The following KCNMB2 variants were observed in gnomAD, a reference collection of about 807,000 sequenced individuals.
KCNMB2 encodes the protein calcium-activated potassium channel subunit beta-2.
KCNMB2 carries 9 observed loss-of-function variants against 24.5 expected under a neutral mutation model. That is an observed-to-expected ratio of 0.37 (90% CI 0.22 to 0.64). The LOEUF (loss-of-function observed/expected upper bound fraction) is 0.64. Ranked by LOEUF, KCNMB2 falls within the 30% of genes least tolerant of loss-of-function variation. KCNMB2 has a pLI of 0.63. For synonymous variants in KCNMB2, 109 were observed against 104.4 expected, an observed-to-expected ratio of 1.04 and a Z score of -0.27; for missense variants, 226 against 284.3, an observed-to-expected ratio of 0.79 and a Z score of 1.47.
At chr3:178,716,538 G>A (rs924249059) in intron 1 of KCNMB2, among the ~76,000 whole-genome samples, 1 of 151,368 alleles carries the variant, frequency 6.6e-6, no homozygotes. Context: ...CCACCTCCGA[G>A]GTTCAAGCGA....
At chr3:178,698,095 A>G (rs1721947542) in intron 1 of KCNMB2, among the ~76,000 whole-genome samples, 1 of 152,044 alleles carries the variant, frequency 6.6e-6, no homozygotes, top group South Asian at 2.1e-4. Context: ...GATCTTGTGA[A>G]GTAGCTTACT....
intron 1 of KCNMB2, among the ~76,000 whole-genome samples, chr3:178,574,356 C>T (rs1716914321): frequency 6.6e-6 from 1 of 152,210 alleles, no homozygotes; most frequent in Admixed American, 6.5e-5. Context: ...GGCTTCAGAA[C>T]TAAGTGAGCC....
chr3:178,778,632 C>T (rs571093334), intron 1 of KCNMB2, among the ~76,000 whole-genome samples: 2 of 152,254 alleles, frequency 1.3e-5, no homozygotes, highest in Non-Finnish European at 2.9e-5. Flanking sequence ...CAAGGCCAGT[C>T]TTTGAATTTG....
chr3:178,800,500 T>C (rs1445618982), intron 1 of KCNMB2, among the ~76,000 whole-genome samples: 1 of 152,146 alleles, frequency 6.6e-6, no homozygotes, highest in Admixed American at 6.6e-5. Flanking sequence ...CAAGTTAAAA[T>C]GACTTTTATC....
intron 2 of KCNMB2, among the ~76,000 whole-genome samples, chr3:178,816,633 T>A (rs11709071): frequency 1.3e-5 from 2 of 152,082 alleles, no homozygotes; most frequent in Middle Eastern, 3.4e-3. Context: ...CTTAGAAATA[T>A]ACAGTTTTGC....
At chr3:178,559,621 T>G (rs1233284411) in intron 1 of KCNMB2, among the ~76,000 whole-genome samples, 1 of 150,472 alleles carries the variant, frequency 6.6e-6, no homozygotes, top group East Asian at 1.9e-4. Context: ...ACCTAGAAAT[T>G]GTCTTACAAA....
intron 1 of KCNMB2, among the ~76,000 whole-genome samples, chr3:178,744,451 A>G (rs954598285): frequency 6.6e-6 from 1 of 152,154 alleles, no homozygotes; most frequent in Non-Finnish European, 1.5e-5. Flanking sequence ...CATTTGTTTT[A>G]CTCCAGTTTT....
intron 1 of KCNMB2, among the ~76,000 whole-genome samples, chr3:178,568,817 A>AGATG (rs386356532): frequency 4.0e-5 from 2 of 49,822 alleles, no homozygotes; most frequent in Admixed American, 4.3e-4. Flanking sequence ...ATAGATAGAT[A>AGATG]ATAGATAGAT....
At chr3:178,726,097 T>C (rs553836792) in intron 1 of KCNMB2, among the ~76,000 whole-genome samples, 4 of 152,020 alleles carry the variant, frequency 2.6e-5, no homozygotes, top group African/African-American at 9.6e-5. Flanking sequence ...GTGAATAATA[T>C]TTTAGTGGCC....
chr3:178,763,523 C>A (rs75847861), intron 1 of KCNMB2, among the ~76,000 whole-genome samples: 21,470 of 152,058 alleles, frequency 0.14, 1,850 homozygotes, highest in Admixed American at 0.18. Flanking sequence ...ATTCAGTAAG[C>A]TCAAAAAGCT....
At position 178,843,041 on chromosome 3, in the gene KCNMB2, C is replaced by G; in HGVS notation, c.*104C>G. ...TGTAACGTGCAGTCTGTTATGAGTTCCCTAATATATTCTTATATGTAGAGC... is the reference window on the plus strand; with the variant it reads ...TGTAACGTGCAGTCTGTTATGAGTTGCCTAATATATTCTTATATGTAGAGC... On this transcript the variant is annotated 3_prime_UTR_variant, in exon 5 of 5. Transcript: ENST00000452583. 4 of 889,426 alleles carry G rather than the reference C, an allele frequency of 4.5e-6. No homozygotes were observed. The highest frequency in any genetic ancestry group is 6.9e-6 in the Non-Finnish European group (4 of 578,664). 55.1% of individuals were successfully genotyped at this position (889,426 alleles called of 1,614,324 possible).
chr3:178,795,520 T>C (rs928584359), intron 1 of KCNMB2, among the ~76,000 whole-genome samples: 5 of 152,076 alleles, frequency 3.3e-5, no homozygotes, highest in Non-Finnish European at 7.4e-5. Context: ...GCCACACAGA[T>C]ACCAAAAGAA....
chr3:178,711,615 T>C (rs1398648291), intron 1 of KCNMB2, among the ~76,000 whole-genome samples: 2 of 146,560 alleles, frequency 1.4e-5, no homozygotes, highest in Non-Finnish European at 3.0e-5. Context: ...AGCCACTTCC[T>C]ATACGAAACC....
intron 1 of KCNMB2, among the ~76,000 whole-genome samples, chr3:178,594,066 G>A (rs1238234721): frequency 1.3e-5 from 2 of 151,656 alleles, no homozygotes; most frequent in African/African-American, 2.4e-5. Context: ...CTACCCAAGT[G>A]TGCCTGGCAT....
intron 1 of KCNMB2, among the ~76,000 whole-genome samples, chr3:178,804,206 T>C (rs1713877534): frequency 6.6e-6 from 1 of 152,186 alleles, no homozygotes; most frequent in South Asian, 2.1e-4. Context: ...AAATGAAAAG[T>C]TTCTTGTCCT....
chr3:178,701,128 G>T lies in KCNMB2; in HGVS notation c.-67-106215G>T, dbSNP rs935146323. ...GCCTTTAATCCATCTTGAATTAATT[G>T]TTGTATAAGGTGTAAGAAAGGGATC... On this transcript the variant is annotated intron_variant, in intron 1 of 4. Coordinates refer to ENST00000452583, the MANE Select transcript of KCNMB2 (RefSeq NM_181361.3). Among the ~76,000 whole-genome samples the T allele has an allele frequency of 1.1e-4, 17 of 152,288 alleles. No homozygotes were observed. In the East Asian group the frequency reaches 3.3e-3, roughly 29 times the overall value.
intron 1 of KCNMB2, among the ~76,000 whole-genome samples, chr3:178,757,304 ATATCCATCCAAGAGGACATATATATAT>A: frequency 8.9e-6 from 1 of 112,048 alleles, no homozygotes; most frequent in African/African-American, 3.4e-5. Context: ...ATATATATAT[ATATCCATCCAAGAGGACATATATATAT>A]GTATATATAT....
intron 1 of KCNMB2, among the ~76,000 whole-genome samples, chr3:178,666,837 C>T (rs906047934): frequency 3.3e-5 from 5 of 152,116 alleles, no homozygotes; most frequent in Non-Finnish European, 5.9e-5. Flanking sequence ...AAAGTCCTAA[C>T]TTGCAGTACC....
intron 1 of KCNMB2, among the ~76,000 whole-genome samples, chr3:178,538,412 T>C (rs1389809843): frequency 2.6e-5 from 4 of 152,348 alleles, no homozygotes; most frequent in African/African-American, 9.6e-5. Flanking sequence ...GAGCTCAAAA[T>C]ACACAAACAA....
Sources: gnomAD v4.1 joint callset for allele counts (sites outside exome capture counted in the v4.1 genomes callset) on GRCh38, gnomAD v4.1.1 for gene constraint, MANE v1.5 for transcripts, NCBI Gene and HGNC (gene_info 2026-07-23, HGNC 2026-07-21) for gene names.